The following LIG3 variants were observed in gnomAD, a reference collection of about 807,000 sequenced individuals.
LIG3 encodes the protein ligase II, DNA, ATP-dependent.
A neutral mutation model predicts 110.9 loss-of-function variants in LIG3; 58 were observed. That is an observed-to-expected ratio of 0.52 (90% CI 0.42 to 0.65). The LOEUF (loss-of-function observed/expected upper bound fraction) is 0.65. LIG3 is among the 30% of genes least tolerant of loss of function. The pLI is 0.00. For missense variants in LIG3, 1,094 were observed against 1,273.8 expected (o/e 0.86, Z 2.15); for synonymous variants, 422 against 472.8 (o/e 0.89, Z 1.39).
At chr17:34,984,482 T>C (rs2090635597) in intron 2 of LIG3, among the ~76,000 whole-genome samples, 1 of 152,206 alleles carries the variant, frequency 6.6e-6, no homozygotes, top group Non-Finnish European at 1.5e-5. Flanking sequence ...TGTACTTCTT[T>C]ACTCTTGAGC....
At position 34,994,446 on chromosome 17, in the gene LIG3, C is replaced by CT; in HGVS notation, c.1611+18dup. On this transcript the variant is annotated intron_variant, in intron 9 of 19. Transcript: ENST00000378526. The stretch of plus-strand genomic sequence containing the variant: ...TTCCTCACAAGGTATGAGTGCCTTC[C>CT]TTTCTGCCAGGACCGTCTTTCCCCT... 6.2e-7 allele frequency: 1 copy of CT among 1,610,566 alleles called. No homozygotes were observed.
chr17:34,996,712 G>T, intron 11 of LIG3, 59 bp downstream of exon 11: 2 of 1,434,840 alleles, frequency 1.4e-6, no homozygotes. Context: ...TCATTTCCTG[G>T]GTGAGGAAGA....
chr17:34,990,583 G>A (rs2090708286), intron 4 of LIG3, among the ~76,000 whole-genome samples: 1 of 151,602 alleles, frequency 6.6e-6, no homozygotes, highest in Non-Finnish European at 1.5e-5. Context: ...CGCGGTCTGA[G>A]TTTATTTTTT....
At chr17:34,995,033 G>A (rs1008917598) in intron 9 of LIG3, among the ~76,000 whole-genome samples, 4 of 152,148 alleles carry the variant, frequency 2.6e-5, no homozygotes, top group Non-Finnish European at 5.9e-5. Context: ...AGGATACTGT[G>A]AGCCTTTGGG....
At position 34,983,349 on chromosome 17, in the gene LIG3, G is replaced by A; in HGVS notation, c.344G>A (p.Gly115Asp). 1 of 1,614,234 alleles carries A rather than the reference G, an allele frequency of 6.2e-7. No homozygotes were observed. The highest frequency in any genetic ancestry group is 8.5e-7 in the Non-Finnish European group (1 of 1,180,052). ...CKKCKEKIVKGVCRIGKVVPN... is the reference protein window; with the variant it reads ...CKKCKEKIVKDVCRIGKVVPN... ...AAATGCAAGGAAAAGATTGTGAAGG[G>A]CGTATGCCGAATTGGCAAAGTGGTG... The change falls in exon 2 of 20, where the codon GGC (glycine) becomes GAC (aspartate). Residue 115 changes from glycine (G) to aspartate (D), a missense_variant. Transcript: ENST00000378526.
chr17:35,002,625 A>G (rs370541861), intron 18 of LIG3, 43 bp from the exon 19 acceptor site: 4 of 1,592,538 alleles, frequency 2.5e-6, no homozygotes, highest in Admixed American at 3.5e-5. Flanking sequence ...AGCTGGGACT[A>G]TAGGTGTGCA....
intron 19 of LIG3, chr17:35,003,503 C>T (rs191707767): frequency 5.7e-5 from 10 of 174,566 alleles, no homozygotes; most frequent in African/African-American, 1.9e-4. Flanking sequence ...TTAGTAGAGA[C>T]GGGATTTCAC....
intron 8 of LIG3, among the ~76,000 whole-genome samples, chr17:34,993,295 T>C (rs1164429291): frequency 1.3e-5 from 2 of 152,136 alleles, no homozygotes; most frequent in East Asian, 3.9e-4. Flanking sequence ...GTGAGATTCT[T>C]TGGATTTTTG....
chr17:35,001,770 G>A (rs893025826), intron 17 of LIG3, 139 bp from the exon 18 acceptor site: 11 of 734,150 alleles, frequency 1.5e-5, no homozygotes, highest in Admixed American at 8.9e-5. Context: ...GGTGCCAAGG[G>A]AGCCAACTCC....
rs1403042993 is a variant in LIG3 at position 35,001,889 on chromosome 17, A to G, written c.2479-20A>G. On this transcript the variant is annotated intron_variant, in intron 17 of 19. Coordinates refer to ENST00000378526, the MANE Select transcript of LIG3 (RefSeq NM_013975.4). Reference sequence around the variant, plus strand: ...TGGGAAGGCAATGAAACCCTCTGACATTGTCCCTCCCCGCCTCAGGAACTG... The same window carrying G: ...TGGGAAGGCAATGAAACCCTCTGACGTTGTCCCTCCCCGCCTCAGGAACTG... The G allele has an allele frequency of 2.5e-6, 4 of 1,601,256 alleles. No individual in the cohort carries two copies. Among genetic ancestry groups the G allele is most frequent in the East Asian group, 2.2e-5 (1 of 44,680 alleles).
rs1480667653 is a variant in LIG3 at position 34,992,019 on chromosome 17, T to G, written c.1270T>G (p.Ser424Ala). 6.2e-7 allele frequency: 1 copy of G among 1,613,630 alleles called. No homozygotes were observed. Among genetic ancestry groups the G allele is most frequent in the South Asian group, 1.1e-5 (1 of 91,090 alleles). Residue 424 changes from serine to alanine, a missense_variant, in exon 7 of 20, where the codon TCA becomes GCA. Transcript: ENST00000378526. ...RLIKHDLKMN[S>A]GAKHVLDALD... is the part of the protein sequence containing the mutation. ...GATCAAACATGATCTGAAGATGAAC[T>G]CAGGTGCAAAACATGTGTAAGTAGC...
At chr17:34,996,773 GT>G in intron 11 of LIG3, 120 bp downstream of exon 11, 6 of 832,042 alleles carry the variant, frequency 7.2e-6, no homozygotes, top group Non-Finnish European at 1.0e-5. Flanking sequence ...TGGCACATAC[GT>G]TTGTGCTCAG....
In LIG3 at chr17:34,980,581, A is replaced by T; in HGVS notation, c.-46A>T. 7.8e-7 allele frequency: 1 copy of T among 1,287,372 alleles called. No homozygotes were observed. The allele number at this position is 1,287,372 out of a possible 1,614,324, so 79.7% of individuals were successfully genotyped here. A position where few individuals can be genotyped will look rare whatever the true frequency, so the allele number is the denominator to read the frequency against. On this transcript the variant is annotated 5_prime_UTR_variant, in exon 1 of 20. It introduces an in-frame stop codon into an upstream open reading frame of the 5' UTR. Coordinates refer to ENST00000378526, the MANE Select transcript of LIG3 (RefSeq NM_013975.4). ...GGGCTGCCCGCGGCCTGTAATGAGC[A>T]AGTTCCGAGGCCTACGGTGAGCGCC...
Position 34,997,767 on chromosome 17 carries a change from A to G in LIG3, c.1853A>G (p.His618Arg), listed in dbSNP as rs1415178545. The G allele has an allele frequency of 6.2e-7, 1 of 1,614,042 alleles. No individual in the cohort carries two copies. Among genetic ancestry groups the G allele is most frequent in the Non-Finnish European group, 8.5e-7 (1 of 1,179,998 alleles). ...RPLCERRKFL[H>R]DNMVEIPNRI... is the part of the protein sequence containing the mutation. Reference sequence around the variant, plus strand: ...CTGTGTGAGCGGCGGAAGTTTCTTCATGACAACATGGTTGAAATTCCAAAC... The same window carrying G: ...CTGTGTGAGCGGCGGAAGTTTCTTCGTGACAACATGGTTGAAATTCCAAAC... The change falls in exon 12 of 20, where the codon CAT becomes CGT. Residue 618 changes from histidine to arginine, a missense_variant. Physicochemically the swap from His to Arg is conservative, Grantham distance 29. Transcript: ENST00000378526.
At position 34,990,962 on chromosome 17, in the gene LIG3, G is replaced by C; in HGVS notation, c.890-1G>C. ...TCAAGAAGGGTTCCTTCTGTCTCCA[G>C]ATGGTTTCCACGGTGATGTGTACCT... On this transcript the variant is annotated splice_acceptor_variant, in intron 4 of 19. Transcript: ENST00000378526. LOFTEE classifies it high-confidence loss of function. The C allele has an allele frequency of 6.2e-7, 1 of 1,613,762 alleles. No individual in the cohort carries two copies.
Position 34,999,846 on chromosome 17 carries a change from CAG to C in LIG3, c.2323_2324del (p.Asp775ProfsTer13). The C allele has an allele frequency of 6.2e-7, 1 of 1,613,866 alleles. No individual in the cohort carries two copies. Among genetic ancestry groups the C allele is most frequent in the Non-Finnish European group, 8.5e-7 (1 of 1,179,776 alleles). The stretch of plus-strand genomic sequence containing the variant: ...ATCTACTATCCTGACTTCATCGTCC[CAG>C]ACCCAAAGGTATCAACCCAGTGGCT... On this transcript the variant is annotated frameshift_variant, in exon 16 of 20. Transcript: ENST00000378526. LOFTEE classifies it high-confidence loss of function.
At chr17:34,991,640 G>T (rs1318231795) in intron 5 of LIG3, 31 bp from the exon 6 acceptor site, 2 of 1,610,312 alleles carry the variant, frequency 1.2e-6, no homozygotes, top group Non-Finnish European at 8.5e-7. Flanking sequence ...CCCTAGGGTT[G>T]CAGCAGTGGC....
chr17:35,004,258 C>A lies in LIG3; in HGVS notation c.2797-15C>A, dbSNP rs2142293467. 4 of 1,608,686 alleles carry A rather than the reference C, an allele frequency of 2.5e-6. No individual in the cohort carries two copies. The highest frequency in any genetic ancestry group is 4.5e-5 in the East Asian group (2 of 44,842). On this transcript the variant is annotated splice_polypyrimidine_tract_variant and intron_variant, in intron 19 of 19. Coordinates refer to ENST00000378526, the MANE Select transcript of LIG3 (RefSeq NM_013975.4). ...GTGTAGGTCTGACCCCACCCTGACC[C>A]CTCTGCATTTGCAGGTATTGCTGGA...
intron 16 of LIG3, among the ~76,000 whole-genome samples, chr17:35,000,820 G>T (rs556387094): frequency 6.6e-6 from 1 of 151,882 alleles, no homozygotes; most frequent in South Asian, 2.1e-4. Context: ...TACCATGTTG[G>T]CCAGGCTGGT....
Sources: allele counts gnomAD v4.1 joint callset (sites outside exome capture counted in the v4.1 genomes callset), GRCh38; gene constraint gnomAD v4.1.1; transcripts MANE v1.5; gene names NCBI Gene and HGNC (gene_info 2026-07-23, HGNC 2026-07-21).